The following DNAI7 variants were observed in gnomAD, a reference collection of about 807,000 sequenced individuals.
DNAI7 encodes the protein cancer susceptibility 1.
In DNAI7, 78 loss-of-function variants were observed where a neutral mutation model predicts 86.6. That is an observed-to-expected ratio of 0.90 (90% CI 0.75 to 1.09). DNAI7 has a LOEUF of 1.09. Among genes scored for constraint, DNAI7 ranks in the 50% least tolerant of loss-of-function variants. DNAI7 has a pLI of 0.00. For synonymous variants in DNAI7, 274 were observed against 273.0 expected (o/e 1.00, Z -0.04); for missense variants, 753 against 810.2 (o/e 0.93, Z 0.86).
At chr12:25,165,735 T>C (rs1262212270) in intron 2 of DNAI7, among the ~76,000 whole-genome samples, 1 of 152,176 alleles carries the variant, frequency 6.6e-6, no homozygotes, top group African/African-American at 2.4e-5. Flanking sequence ...GCCTACCCAT[T>C]CCACATTACC....
At chr12:25,182,034 T>A (rs748288736) in intron 2 of DNAI7, among the ~76,000 whole-genome samples, 23 of 16,438 alleles carry the variant, frequency 1.4e-3, no homozygotes, top group Non-Finnish European at 2.2e-3. Context: ...AGAAAAGAAA[T>A]TTTTTTTTTT....
downstream of DNAI7, chr12:25,107,876 AG>A (rs1949316873): frequency 1.9e-6 from 3 of 1,614,046 alleles, no homozygotes. Flanking sequence ...AAGGCTAATA[AG>A]GCCCTCTGGC....
chr12:25,191,503 G>A (rs1166743489), intron 1 of DNAI7, among the ~76,000 whole-genome samples: 1 of 152,104 alleles, frequency 6.6e-6, no homozygotes, highest in Non-Finnish European at 1.5e-5. Context: ...AGGAGATGGA[G>A]GCCATCCTGG....
chr12:25,122,713 A>G (rs1053149457), intron 10 of DNAI7, among the ~76,000 whole-genome samples: 1 of 152,202 alleles, frequency 6.6e-6, no homozygotes, highest in African/African-American at 2.4e-5. Flanking sequence ...ACACTTGTTA[A>G]TACCCAGAAG....
Position 25,114,905 on chromosome 12 carries a change from A to AT in DNAI7, c.1397-36dup, listed in dbSNP as rs758962930. On this transcript the variant is annotated intron_variant, in intron 12 of 15. Transcript: ENST00000395987. ...TGATGAAGAAAGTGACACTAGTTTC[A>AT]TTTTTTCCCTATTAAAAAAAGATAA... is the stretch of plus-strand genomic sequence containing the variant. 6.1e-6 allele frequency: 9 copies of AT among 1,469,140 alleles called. 1 individual carries two copies. The East Asian group carries it at 2.0e-4, about 33-fold the overall frequency. The allele number at this position is 1,469,140 out of a possible 1,614,324, so 91.0% of individuals were successfully genotyped here.
intron 8 of DNAI7, among the ~76,000 whole-genome samples, chr12:25,144,903 T>A (rs1944636730): frequency 6.6e-6 from 1 of 152,180 alleles, no homozygotes; most frequent in Non-Finnish European, 1.5e-5. Context: ...CTCTGGAAGT[T>A]CCTTCTGTCT....
At chr12:25,147,144 C>T in intron 7 of DNAI7, 40 bp from the exon 8 acceptor site, 1 of 989,230 alleles carries the variant, frequency 1.0e-6, no homozygotes, top group Non-Finnish European at 1.6e-6. Flanking sequence ...GGCCACAGGC[C>T]TCATAAATTA....
intron 4 of DNAI7, among the ~76,000 whole-genome samples, chr12:25,156,069 A>G (rs1323751447): frequency 1.3e-5 from 2 of 151,780 alleles, no homozygotes; most frequent in Non-Finnish European, 2.9e-5. Context: ...GCGCAACCGC[A>G]CTCCAGCCTG....
chr12:25,169,648 G>A (rs1947903303), intron 2 of DNAI7, among the ~76,000 whole-genome samples: 1 of 152,120 alleles, frequency 6.6e-6, no homozygotes, highest in Non-Finnish European at 1.5e-5. Context: ...AGGAGTTCAA[G>A]ACCAGCCTGG....
chr12:25,163,697 GAGAA>G (rs1947103842), intron 2 of DNAI7, among the ~76,000 whole-genome samples: 1 of 152,152 alleles, frequency 6.6e-6, no homozygotes, highest in South Asian at 2.1e-4. Flanking sequence ...TTTGTTCCAT[GAGAA>G]AGATTCACCT....
At chr12:25,166,595 G>A (rs552685895) in intron 2 of DNAI7, among the ~76,000 whole-genome samples, 118 of 152,102 alleles carry the variant, frequency 7.8e-4, no homozygotes, top group African/African-American at 2.7e-3. Context: ...TTCTCATAAA[G>A]ACACGTGCTC....
At chr12:25,130,095 T>C (rs1385076984) in intron 9 of DNAI7, among the ~76,000 whole-genome samples, 2 of 152,140 alleles carry the variant, frequency 1.3e-5, no homozygotes, top group East Asian at 3.9e-4. Flanking sequence ...GTAGAATCTC[T>C]CTCATTGCAT....
chr12:25,143,216 AT>A (rs1236754806), intron 9 of DNAI7, among the ~76,000 whole-genome samples: 1 of 143,788 alleles, frequency 7.0e-6, no homozygotes, highest in East Asian at 2.0e-4. Flanking sequence ...TGTCATATCC[AT>A]TTTTCTACAT....
At position 25,116,144 on chromosome 12, in the gene DNAI7, T is replaced by C. The variant is rs575306807; in HGVS notation, c.1397-1274A>G. Among the ~76,000 whole-genome samples the C allele has an allele frequency of 1.9e-4, 29 of 151,182 alleles. No homozygotes were observed. The South Asian group carries it at 5.9e-3, about 31-fold the overall frequency. On this transcript the variant is annotated intron_variant, in intron 12 of 15. Transcript: ENST00000395987. ...CTTTATAGGACAAATAAATGAACCA[T>C]TTTCTTCCCAGACGTGCTCTCCATT...
chr12:25,121,703 A>G (rs897549841), intron 11 of DNAI7, 50 bp downstream of exon 11: 1 of 1,418,300 alleles, frequency 7.1e-7, no homozygotes, highest in African/African-American at 1.4e-5. Flanking sequence ...ATAAAGTAAA[A>G]GCGTGAGCAA....
chr12:25,169,504 G>C lies in DNAI7; in HGVS notation c.22-8307C>G, dbSNP rs770926030. On this transcript the variant is annotated intron_variant, in intron 2 of 15. Coordinates refer to ENST00000395987, the MANE Select transcript of DNAI7 (RefSeq NM_018272.5). ...AGCCTGTTTGGTGGTCTCTTCACAC[G>C]GACGAGAGTGAAACTAACATTGAAT... Among the ~76,000 whole-genome samples, 11 of 152,204 alleles carry C rather than the reference G, an allele frequency of 7.2e-5. No individual in the cohort carries two copies. The East Asian group carries it at 1.5e-3, about 21-fold the overall frequency.
intron 2 of DNAI7, among the ~76,000 whole-genome samples, chr12:25,176,364 T>C (rs1166737272): frequency 2.0e-5 from 3 of 152,052 alleles, no homozygotes; most frequent in Admixed American, 2.0e-4. Flanking sequence ...GAGTTAATCT[T>C]ATTTTCAGTA....
At chr12:25,116,151 C>T (rs1251717224) in intron 12 of DNAI7, among the ~76,000 whole-genome samples, 1 of 147,508 alleles carries the variant, frequency 6.8e-6, no homozygotes, top group Non-Finnish European at 1.5e-5. Context: ...CCATTTTCTT[C>T]CCAGACGTGC....
At chr12:25,186,949 CTG>C (rs1950091948) in intron 2 of DNAI7, among the ~76,000 whole-genome samples, 1 of 152,156 alleles carries the variant, frequency 6.6e-6, no homozygotes, top group African/African-American at 2.4e-5. Context: ...ACCTACACTG[CTG>C]TGATGGATTC....
Sources: gnomAD v4.1 joint callset for allele counts (sites outside exome capture counted in the v4.1 genomes callset) on GRCh38, gnomAD v4.1.1 for gene constraint, MANE v1.5 for transcripts, NCBI Gene and HGNC (gene_info 2026-07-23, HGNC 2026-07-21) for gene names.